The following SGMS1 variants were observed in gnomAD, a reference collection of about 807,000 sequenced individuals.
SGMS1 encodes phosphatidylcholine:ceramide cholinephosphotransferase 1.
SGMS1 carries 13 observed loss-of-function variants against 46.2 expected under a neutral mutation model. That is an observed-to-expected ratio of 0.28 (90% CI 0.18 to 0.45). The LOEUF is 0.45. Ranked by LOEUF, SGMS1 falls within the 20% of genes least tolerant of loss-of-function variation. The pLI is 1.00. For missense variants in SGMS1, 324 were observed against 519.9 expected (o/e 0.62, Z 3.66); for synonymous variants, 203 against 187.8 (o/e 1.08, Z -0.66).
chr10:50,553,578 TA>T (rs1261217153), intron 2 of SGMS1, among the ~76,000 whole-genome samples: 1 of 152,206 alleles, frequency 6.6e-6, no homozygotes, highest in African/African-American at 2.4e-5. Context: ...TATAAATCTT[TA>T]CCCAATTTCT....
chr10:50,610,200 G>A (rs1048638061), intron 1 of SGMS1, among the ~76,000 whole-genome samples: 2 of 152,118 alleles, frequency 1.3e-5, no homozygotes, highest in African/African-American at 4.8e-5. Flanking sequence ...ACTACAACAA[G>A]GCTGTCAGTG....
chr10:50,563,773 CT>C (rs1325071826), intron 2 of SGMS1, among the ~76,000 whole-genome samples: 2 of 144,928 alleles, frequency 1.4e-5, no homozygotes, highest in South Asian at 4.5e-4. Flanking sequence ...AAAAGAAACT[CT>C]TTTGATGGAA....
chr10:50,573,226 T>A (rs1054753619), intron 2 of SGMS1, among the ~76,000 whole-genome samples: 7 of 152,094 alleles, frequency 4.6e-5, no homozygotes, highest in African/African-American at 1.4e-4. Flanking sequence ...GTACGAGACG[T>A]CCCAGCCAGA....
chr10:50,393,138 C>A (rs1487834580), intron 6 of SGMS1, among the ~76,000 whole-genome samples: 2 of 152,008 alleles, frequency 1.3e-5, no homozygotes, highest in Non-Finnish European at 2.9e-5. Context: ...ACACATACAC[C>A]AACATTTACT....
intron 6 of SGMS1, among the ~76,000 whole-genome samples, chr10:50,355,508 C>T (rs577019526): frequency 1.0e-3 from 159 of 152,326 alleles, no homozygotes; most frequent in African/African-American, 3.2e-3. Flanking sequence ...CTCCTGACTG[C>T]GAGTGATCTG....
At chr10:50,408,431 T>TAAAAAAAAA (rs71029307) in intron 6 of SGMS1, among the ~76,000 whole-genome samples, 20 of 95,196 alleles carry the variant, frequency 2.1e-4, no homozygotes, top group Non-Finnish European at 3.6e-4. Context: ...CCTCATCTCT[T>TAAAAAAAAA]AAAAAAAAAA....
intron 7 of SGMS1, among the ~76,000 whole-genome samples, chr10:50,331,314 A>G (rs940996725): frequency 6.6e-6 from 1 of 152,220 alleles, no homozygotes; most frequent in Admixed American, 6.5e-5. Flanking sequence ...TGAGGTTTAG[A>G]GAGTTTAAGC....
chr10:50,513,837 T>C (rs1025153621), intron 3 of SGMS1, among the ~76,000 whole-genome samples: 3 of 152,138 alleles, frequency 2.0e-5, no homozygotes, highest in African/African-American at 7.2e-5. Context: ...TAGAACTGGG[T>C]TATTCTTCAA....
chr10:50,326,619 G>A (rs1448081759), intron 8 of SGMS1, among the ~76,000 whole-genome samples: 2 of 152,100 alleles, frequency 1.3e-5, no homozygotes, highest in Non-Finnish European at 2.9e-5. Flanking sequence ...ATTCTTCCAA[G>A]GTAAAGGTTA....
intron 6 of SGMS1, among the ~76,000 whole-genome samples, chr10:50,377,102 T>C (rs1030993737): frequency 3.0e-4 from 45 of 152,264 alleles, no homozygotes; most frequent in African/African-American, 1.0e-3. Flanking sequence ...TGAGACTAGG[T>C]AGTTAACAAA....
At chr10:50,597,689 G>A (rs930212854) in intron 1 of SGMS1, among the ~76,000 whole-genome samples, 19 of 152,264 alleles carry the variant, frequency 1.2e-4, no homozygotes, top group African/African-American at 4.6e-4. Context: ...GTTTGTAGTG[G>A]TGGTTGCGTG....
chr10:50,470,174 T>C (rs973688320), intron 3 of SGMS1, among the ~76,000 whole-genome samples: 1 of 152,120 alleles, frequency 6.6e-6, no homozygotes, highest in African/African-American at 2.4e-5. Flanking sequence ...GGAAAGATGG[T>C]GTGTAATAAG....
chr10:50,463,990 G>T (rs116496022), intron 4 of SGMS1, among the ~76,000 whole-genome samples: 149 of 152,286 alleles, frequency 9.8e-4, no homozygotes, highest in African/African-American at 3.5e-3. Context: ...AGAAACAGAA[G>T]GTGGTTCGTA....
intron 2 of SGMS1, among the ~76,000 whole-genome samples, chr10:50,588,817 C>T (rs1434179650): frequency 6.7e-6 from 1 of 148,340 alleles, no homozygotes; most frequent in African/African-American, 2.5e-5. Context: ...GCAACCTCTG[C>T]CTCCCAGGCT....
chr10:50,416,938 A>G (rs569451200), intron 6 of SGMS1, among the ~76,000 whole-genome samples: 3 of 151,320 alleles, frequency 2.0e-5, no homozygotes, highest in East Asian at 1.9e-4. Context: ...ATGACAGTCT[A>G]TCTTTTAACC....
At chr10:50,450,285 A>G (rs1419982397) in intron 5 of SGMS1, among the ~76,000 whole-genome samples, 4 of 152,190 alleles carry the variant, frequency 2.6e-5, no homozygotes, top group Non-Finnish European at 4.4e-5. Flanking sequence ...AAAGCAGATT[A>G]AGGATTACAA....
At chr10:50,481,105 T>C (rs1837472362) in intron 3 of SGMS1, among the ~76,000 whole-genome samples, 1 of 152,230 alleles carries the variant, frequency 6.6e-6, no homozygotes, top group Non-Finnish European at 1.5e-5. Flanking sequence ...TAAAGATTGT[T>C]GGCAGTCTGG....
intron 6 of SGMS1, among the ~76,000 whole-genome samples, chr10:50,348,033 C>T (rs953763163): frequency 6.6e-6 from 1 of 152,138 alleles, no homozygotes; most frequent in Admixed American, 6.5e-5. Flanking sequence ...CCCCTTTCCC[C>T]CTACCCTATG....
At chr10:50,331,048 A>C (rs1348293784) in intron 7 of SGMS1, among the ~76,000 whole-genome samples, 1 of 152,234 alleles carries the variant, frequency 6.6e-6, no homozygotes, top group Non-Finnish European at 1.5e-5. Flanking sequence ...AAGGCCATGA[A>C]ATAGCACTAA....
Sources: gnomAD v4.1 joint callset for allele counts (sites outside exome capture counted in the v4.1 genomes callset) on GRCh38, gnomAD v4.1.1 for gene constraint, MANE v1.5 for transcripts, NCBI Gene and HGNC (gene_info 2026-07-23, HGNC 2026-07-21) for gene names.